The following CTBP2 variants were observed in gnomAD, a reference collection of about 807,000 sequenced individuals.
CTBP2 encodes C-terminal binding protein 2.
CTBP2 carries 30 observed loss-of-function variants against 80.3 expected under a neutral mutation model. That is an observed-to-expected ratio of 0.37 (90% CI 0.28 to 0.51). CTBP2 has a LOEUF of 0.51. Among genes scored for constraint, CTBP2 ranks in the 20% least tolerant of loss-of-function variants. The probability of loss-of-function intolerance (pLI) is 0.93; values close to 1 mark genes in which losing one functional copy is unlikely to be tolerated. For synonymous variants in CTBP2, 594 were observed against 587.4 expected (o/e 1.01, Z -0.16); for missense variants, 1,212 against 1,375.3 (o/e 0.88, Z 1.88).
intron 1 of CTBP2, among the ~76,000 whole-genome samples, chr10:125,146,454 G>A (rs1858793173): frequency 6.8e-6 from 1 of 147,118 alleles, no homozygotes; most frequent in Admixed American, 6.8e-5. Flanking sequence ...CTAATTTTTT[G>A]TATTTTTAGT....
chr10:125,112,587 C>A (rs139249483), intron 1 of CTBP2, among the ~76,000 whole-genome samples: 1 of 151,972 alleles, frequency 6.6e-6, no homozygotes, highest in Non-Finnish European at 1.5e-5. Context: ...TGCCACCATG[C>A]CCGGATAATT....
rs753702393 is a variant in CTBP2, at chr10:125,027,553, G to A, written c.207C>T (p.Tyr69=). ...AGTTATAAACGGCCTCCCGGTACAG[G>A]TAGGGCTCGGCGGCCACGGGCAGGG... is the stretch of plus-strand genomic sequence containing the variant. Residue 69 remains tyrosine (Y), a synonymous_variant, in exon 1 of 9, where the codon TAC becomes TAT. Coordinates refer to ENST00000309035, the MANE Select transcript of CTBP2 (RefSeq NM_022802.3). 4.3e-6 allele frequency: 7 copies of A among 1,614,172 alleles called. No individual in the cohort carries two copies. Among genetic ancestry groups the A allele is most frequent in the Non-Finnish European group, 5.9e-6 (7 of 1,180,028 alleles).
At chr10:125,015,664 G>A (rs1375088981) in intron 1 of CTBP2, among the ~76,000 whole-genome samples, 1 of 152,244 alleles carries the variant, frequency 6.6e-6, no homozygotes, top group East Asian at 1.9e-4. Flanking sequence ...CCAAGAAGGC[G>A]CCTCGCCCGC....
intron 1 of CTBP2, among the ~76,000 whole-genome samples, chr10:125,137,107 T>C (rs541848420): frequency 3.9e-5 from 6 of 152,338 alleles, no homozygotes; most frequent in African/African-American, 1.4e-4. Flanking sequence ...TGTGGGTCCT[T>C]ACACATCTGT....
rs1046222105 is a variant in CTBP2, at chr10:125,027,090, C to T, written c.670G>A (p.Ala224Thr). 5.0e-6 allele frequency: 8 copies of T among 1,610,952 alleles called. No homozygotes were observed. Among genetic ancestry groups the T allele is most frequent in the Admixed American group, 3.3e-5 (2 of 59,868 alleles). Residue 224 changes from alanine to threonine, a missense_variant, in exon 1 of 9, where the codon GCC (alanine) becomes ACC (threonine). By Grantham distance (58) the Ala-to-Thr change is moderately conservative. Coordinates refer to ENST00000309035, the MANE Select transcript of CTBP2 (RefSeq NM_022802.3). Reference sequence around the variant, plus strand: ...AGGCACGTCGGGGCCACCTGTCTGGCAGGGGCAGGGTCAATGGGTCTTTCG... The same window carrying T: ...AGGCACGTCGGGGCCACCTGTCTGGTAGGGGCAGGGTCAATGGGTCTTTCG...
chr10:125,138,549 A>G (rs1857308442), intron 1 of CTBP2, among the ~76,000 whole-genome samples: 1 of 152,040 alleles, frequency 6.6e-6, no homozygotes, highest in Non-Finnish European at 1.5e-5. Context: ...AGAGGCAGAG[A>G]AGGAGGCTCG....
At chr10:125,132,314 A>C (rs947447286) in intron 1 of CTBP2, among the ~76,000 whole-genome samples, 1 of 152,230 alleles carries the variant, frequency 6.6e-6, no homozygotes, top group Admixed American at 6.5e-5. Context: ...AAATGCCGTC[A>C]ATTAAACTAT....
chr10:125,087,989 A>C (rs750627843), intron 2 of CTBP2, among the ~76,000 whole-genome samples: 1 of 152,060 alleles, frequency 6.6e-6, no homozygotes, highest in Non-Finnish European at 1.5e-5. Context: ...ACTTTCCTGC[A>C]CCGTCCATTC....
chr10:125,095,351 C>T (rs1050069816), intron 2 of CTBP2, among the ~76,000 whole-genome samples: 1 of 152,186 alleles, frequency 6.6e-6, no homozygotes, highest in African/African-American at 2.4e-5. Context: ...CAGAAGGCAG[C>T]CCCAGCTACC....
At chr10:125,115,047 C>A (rs577676806) in intron 1 of CTBP2, among the ~76,000 whole-genome samples, 1 of 152,164 alleles carries the variant, frequency 6.6e-6, no homozygotes, top group Non-Finnish European at 1.5e-5. Flanking sequence ...ACTGTCCCGC[C>A]GTGGATGGCG....
intron 2 of CTBP2, among the ~76,000 whole-genome samples, chr10:125,051,017 A>G (rs925300742): frequency 3.3e-5 from 5 of 152,218 alleles, no homozygotes; most frequent in Non-Finnish European, 7.3e-5. Context: ...GTGAGCTACC[A>G]TCAGGGATCC....
At chr10:125,091,007 C>CAG (rs1171616055) in intron 2 of CTBP2, among the ~76,000 whole-genome samples, 19 of 152,296 alleles carry the variant, frequency 1.2e-4, no homozygotes, top group Admixed American at 2.0e-4. Flanking sequence ...CTACCAAAGG[C>CAG]AGAGGCAGGA....
intron 1 of CTBP2, among the ~76,000 whole-genome samples, chr10:125,017,957 G>A (rs1344647603): frequency 1.3e-5 from 2 of 152,172 alleles, no homozygotes; most frequent in Admixed American, 6.5e-5. Context: ...TCCAGAGCCC[G>A]TCATGACTCT....
intron 1 of CTBP2, among the ~76,000 whole-genome samples, chr10:125,151,964 C>G (rs1022089100): frequency 2.0e-5 from 3 of 152,126 alleles, no homozygotes; most frequent in Non-Finnish European, 4.4e-5. Flanking sequence ...ACGACTTCCC[C>G]GCGGCGGGAA....
chr10:124,985,403 A>G lies in CTBP2; in HGVS notation c.*4115T>C, dbSNP rs1005275029. 1 of 157,356 alleles carries G rather than the reference A, an allele frequency of 6.4e-6. No homozygotes were observed. Among genetic ancestry groups the G allele is most frequent in the Non-Finnish European group, 1.4e-5 (1 of 71,328 alleles). 9.7% of individuals were successfully genotyped at this position (157,356 alleles called of 1,614,324 possible). On this transcript the variant is annotated 3_prime_UTR_variant, in exon 9 of 9. Transcript: ENST00000309035. ...AAATGGCTCTTTGTTCCTTTCAGAT[A>G]TTATTTCAGTAGAACCTGGCATTCT...
intron 2 of CTBP2, among the ~76,000 whole-genome samples, chr10:125,044,048 G>A (rs1960587839): frequency 6.6e-6 from 1 of 152,216 alleles, no homozygotes; most frequent in Non-Finnish European, 1.5e-5. Flanking sequence ...GTGGGGCGCA[G>A]ACTTTCTGTT....
In CTBP2 at chr10:125,026,778, C is replaced by T. The variant is rs1957641943; in HGVS notation, c.982G>A (p.Asp328Asn). The change falls in exon 1 of 9, where the codon GAT (aspartate) becomes AAT (asparagine). Residue 328 changes from aspartate to asparagine, a missense_variant. Around this residue, in one of 3 missense-constraint regions of CTBP2, gnomAD observed 848 missense variants for 782.3 expected, o/e 1.08. Coordinates refer to ENST00000309035, the MANE Select transcript of CTBP2 (RefSeq NM_022802.3). Reference sequence around the variant, plus strand: ...AGGTTGGGTGCGACAGACTTGATATCCGCGTCCTCCAGGGTAGCCAGGACG... The same window carrying T: ...AGGTTGGGTGCGACAGACTTGATATTCGCGTCCTCCAGGGTAGCCAGGACG... 1.2e-6 allele frequency: 2 copies of T among 1,613,014 alleles called. No homozygotes were observed. Among genetic ancestry groups the T allele is most frequent in the African/African-American group, 2.7e-5 (2 of 74,924 alleles).
At position 125,022,628 on chromosome 10, in the gene CTBP2, G is replaced by A. The variant is rs369011302; in HGVS notation, c.1678+3454C>T. On this transcript the variant is annotated intron_variant, in intron 1 of 8. Transcript: ENST00000309035. ...GACTCAGGGGTCCTGGGGGCAGCCC[G>A]GAAGAGGTTTCCTTGCTCCCTTACA... Among the ~76,000 whole-genome samples the A allele has an allele frequency of 1.2e-3, 180 of 152,356 alleles. 1 individual carries two copies. The highest frequency in any genetic ancestry group is 4.0e-3 in the African/African-American group (166 of 41,588).
At chr10:125,037,059 GAGA>G (rs1229187018) in intron 3 of CTBP2, among the ~76,000 whole-genome samples, 2 of 152,178 alleles carry the variant, frequency 1.3e-5, no homozygotes, top group Non-Finnish European at 2.9e-5. Context: ...GATAGTTATT[GAGA>G]AATTTAAAAT....
Sources: gnomAD v4.1 joint callset for allele counts (sites outside exome capture counted in the v4.1 genomes callset) on GRCh38, gnomAD v4.1.1 for gene constraint, gnomAD v4.1.1 regional missense constraint, MANE v1.5 for transcripts, NCBI Gene and HGNC (gene_info 2026-07-23, HGNC 2026-07-21) for gene names.